AGBL4: variants seen among roughly 807,000 people sequenced by gnomAD.
The protein encoded by AGBL4 is cytosolic carboxypeptidase 6.
In AGBL4, 58 loss-of-function variants were observed where a neutral mutation model predicts 66.4. The ratio of observed to expected loss-of-function variants is 0.87; its 90% CI spans 0.71 to 1.09. The LOEUF (loss-of-function observed/expected upper bound fraction) is 1.09, where lower values mean the gene tolerates loss of function less well. Among genes scored for constraint, AGBL4 ranks in the 50% least tolerant of loss-of-function variants. The pLI, the probability that AGBL4 is intolerant of heterozygous loss-of-function variation, is 0.00. For missense variants in AGBL4, 579 were observed against 631.0 expected, an observed-to-expected ratio of 0.92 and a Z score of 0.88; for synonymous variants, 234 against 222.9, an observed-to-expected ratio of 1.05 and a Z score of -0.44.
At chr1:49,004,606 C>T (rs1661637980) in intron 5 of AGBL4, among the ~76,000 whole-genome samples, 1 of 152,112 alleles carries the variant, frequency 6.6e-6, no homozygotes, top group Non-Finnish European at 1.5e-5. Flanking sequence ...AATTAGTTCA[C>T]AATCTAGCAG....
intron 8 of AGBL4, among the ~76,000 whole-genome samples, chr1:48,640,769 T>G (rs1645741822): frequency 6.6e-6 from 1 of 152,200 alleles, no homozygotes; most frequent in Admixed American, 6.5e-5. Context: ...TGTCTGATCT[T>G]CCTATCCTGT....
At chr1:48,529,896 A>C (rs192665555), downstream of AGBL4, among the ~76,000 whole-genome samples, 1 of 152,246 alleles carries the variant, frequency 6.6e-6, no homozygotes, top group Admixed American at 6.5e-5. Context: ...AGTGCCTAGA[A>C]GAAGGTCAGA....
chr1:48,599,422 C>T lies in AGBL4; in HGVS notation c.952-8437G>A, dbSNP rs762903945. ...CAAACACGTGAATGAGTAATGCATT[C>T]CCCTAGGCCTTACAACAGCTGTGAT... On this transcript the variant is annotated intron_variant, in intron 9 of 13. Coordinates refer to ENST00000371839, the MANE Select transcript of AGBL4 (RefSeq NM_032785.4). 5.4e-4 allele frequency among the ~76,000 whole-genome samples: 82 copies of T among 152,274 alleles called. 1 individual carries two copies. Among genetic ancestry groups the T allele is most frequent in the Middle Eastern group, 3.4e-3 (1 of 294 alleles).
At chr1:48,620,885 C>A (rs1045052160) in intron 9 of AGBL4, among the ~76,000 whole-genome samples, 17 of 151,996 alleles carry the variant, frequency 1.1e-4, no homozygotes, top group African/African-American at 4.1e-4. Context: ...GGTATTACCC[C>A]ATTTTGCAGA....
intron 1 of AGBL4, among the ~76,000 whole-genome samples, chr1:49,936,032 C>T (rs921908399): frequency 6.6e-6 from 1 of 152,280 alleles, no homozygotes; most frequent in Non-Finnish European, 1.5e-5. Flanking sequence ...GACGATCAAA[C>T]TACTCCAAGC....
chr1:49,936,205 G>T (rs995150008), intron 1 of AGBL4, among the ~76,000 whole-genome samples: 1 of 152,198 alleles, frequency 6.6e-6, no homozygotes, highest in African/African-American at 2.4e-5. Context: ...AGCCTCAGGA[G>T]CCGATGCGAT....
chr1:49,970,706 AAAACAC>A (rs1323347680), intron 1 of AGBL4, among the ~76,000 whole-genome samples: 2 of 87,056 alleles, frequency 2.3e-5, no homozygotes, highest in Admixed American at 2.7e-4. Context: ...AAAAAAAAAC[AAAACAC>A]ACACACACAC....
chr1:49,777,624 T>C (rs967300049), intron 2 of AGBL4, among the ~76,000 whole-genome samples: 1 of 152,202 alleles, frequency 6.6e-6, no homozygotes, highest in Admixed American at 6.5e-5. Context: ...TGAAGTCTTC[T>C]GTACCTAGTC....
intron 2 of AGBL4, among the ~76,000 whole-genome samples, chr1:49,733,457 T>C (rs1440470950): frequency 6.6e-6 from 1 of 152,234 alleles, no homozygotes; most frequent in Non-Finnish European, 1.5e-5. Context: ...CATTGCTGAC[T>C]GGGCTGTTTA....
intron 6 of AGBL4, among the ~76,000 whole-genome samples, chr1:48,786,092 T>C (rs1216101059): frequency 6.6e-6 from 1 of 151,894 alleles, no homozygotes; most frequent in Non-Finnish European, 1.5e-5. Context: ...GAAGGTTAAG[T>C]CATCTCAGAA....
At chr1:48,806,198 C>T (rs1245582119) in intron 6 of AGBL4, among the ~76,000 whole-genome samples, 1 of 152,094 alleles carries the variant, frequency 6.6e-6, no homozygotes, top group Non-Finnish European at 1.5e-5. Context: ...TTCTTCATAA[C>T]CTTGGAAATG....
chr1:48,879,799 G>A (rs1649595306), intron 5 of AGBL4, among the ~76,000 whole-genome samples: 1 of 152,128 alleles, frequency 6.6e-6, no homozygotes, highest in Admixed American at 6.5e-5. Context: ...CAGATAGTAA[G>A]TGATGGAGCT....
Position 49,350,194 on chromosome 1 carries a change from T to G in AGBL4, c.283-104330A>C, listed in dbSNP as rs534812031. 2.2e-3 allele frequency among the ~76,000 whole-genome samples: 330 copies of G among 151,894 alleles called. 1 individual carries two copies. The highest frequency in any genetic ancestry group is 0.01 in the Middle Eastern group (3 of 294). On this transcript the variant is annotated intron_variant, in intron 3 of 13. Transcript: ENST00000371839. ...ATACTTCAATGAATATTTGTTTTTT[T>G]TTTTGTTTTGTTTTGTTTTTTTTTT...
intron 1 of AGBL4, among the ~76,000 whole-genome samples, chr1:49,897,720 T>C (rs917460464): frequency 3.9e-5 from 6 of 151,960 alleles, no homozygotes; most frequent in African/African-American, 1.2e-4. Context: ...AGAGCGATAG[T>C]AACTCAAACA....
At chr1:48,583,814 A>G (rs527698605) in intron 11 of AGBL4, 2 of 150,822 alleles carry the variant, frequency 1.3e-5, no homozygotes, top group South Asian at 2.1e-4. Flanking sequence ...AAAGATCACA[A>G]TCTGTCTCCC....
intron 5 of AGBL4, among the ~76,000 whole-genome samples, chr1:48,901,119 AG>A (rs1248525757): frequency 6.6e-6 from 1 of 152,222 alleles, no homozygotes; most frequent in East Asian, 1.9e-4. Context: ...CACATAAGAA[AG>A]GCTCAATATC....
chr1:49,470,508 A>C (rs1646720336), intron 3 of AGBL4, among the ~76,000 whole-genome samples: 2 of 152,144 alleles, frequency 1.3e-5, no homozygotes, highest in African/African-American at 2.4e-5. Flanking sequence ...ATTACCAAAT[A>C]GGTTATGTGT....
chr1:49,096,889 T>C (rs188800587), intron 4 of AGBL4, among the ~76,000 whole-genome samples: 31 of 149,574 alleles, frequency 2.1e-4, no homozygotes, highest in Admixed American at 6.0e-4. Flanking sequence ...TGGAGAGAGA[T>C]TTGAAAATGC....
intron 3 of AGBL4, among the ~76,000 whole-genome samples, chr1:49,530,278 A>AAAAAAAAAAAAAAAC (rs1186915086): frequency 6.9e-6 from 1 of 145,118 alleles, no homozygotes; most frequent in African/African-American, 2.5e-5. Flanking sequence ...AAAAACAAAA[A>AAAAAAAAAAAAAAAC]AAAACTCTAT....
Sources: gnomAD v4.1 joint callset for allele counts (sites outside exome capture counted in the v4.1 genomes callset) on GRCh38, gnomAD v4.1.1 for gene constraint, MANE v1.5 for transcripts, NCBI Gene and HGNC (gene_info 2026-07-23, HGNC 2026-07-21) for gene names.